Variants in ARHGAP45 observed in about 807,000 individuals in gnomAD.
The protein encoded by ARHGAP45 is Rho GTPase activating protein 45.
ARHGAP45 carries 56 observed loss-of-function variants against 116.1 expected under a neutral mutation model. The ratio of observed to expected loss-of-function variants is 0.48; its 90% confidence interval spans 0.39 to 0.60. ARHGAP45 has a LOEUF of 0.60. ARHGAP45 is among the 20% of genes least tolerant of loss of function. The pLI is 0.00. For synonymous variants in ARHGAP45, 866 were observed against 701.7 expected (o/e 1.23, Z -3.70); for missense variants, 1,622 against 1,601.0 (o/e 1.01, Z -0.22).
At position 1,081,309 on chromosome 19, in the gene ARHGAP45, A is replaced by G. The variant is rs1329618604; in HGVS notation, c.2191-241A>G. ...GAAGAGTCCTGGGGCTGTGGCCAGAAGACCTGGAGGGCAAAGGCCCTGGAG... is the reference window on the plus strand; with the variant it reads ...GAAGAGTCCTGGGGCTGTGGCCAGAGGACCTGGAGGGCAAAGGCCCTGGAG... On this transcript the variant is annotated intron_variant, in intron 17 of 22. Transcript: ENST00000313093. 4.7e-6 allele frequency: 3 copies of G among 641,112 alleles called. No homozygotes were observed. The Admixed American group carries it at 9.1e-5, about 19-fold the overall frequency. The allele number at this position is 641,112 out of a possible 1,614,324, so 39.7% of individuals were successfully genotyped here. A position where few individuals can be genotyped will look rare whatever the true frequency, so the allele number is the denominator to read the frequency against.
intron 21 of ARHGAP45, 78 bp from the exon 22 acceptor site, chr19:1,084,160 T>C: frequency 7.5e-7 from 1 of 1,334,432 alleles, no homozygotes; most frequent in South Asian, 1.2e-5. Flanking sequence ...TGTTACGGGC[T>C]GTGTGGGTGG....
At position 1,082,989 on chromosome 19, in the gene ARHGAP45, T is replaced by G. The variant is rs745543210; in HGVS notation, c.2667T>G (p.Gly889=). The change falls in exon 20 of 23, where the codon GGT becomes GGG. Residue 889 remains glycine (G), a synonymous_variant. Transcript: ENST00000313093. ...ESEAVAVALA[G]RLRELLRDLP... ...AGGCAGTGGCGGTGGCCCTGGCAGGTCGGCTGCGGGAGCTCCTGCGGGACC... is the reference window on the plus strand; with the variant it reads ...AGGCAGTGGCGGTGGCCCTGGCAGGGCGGCTGCGGGAGCTCCTGCGGGACC... The G allele has an allele frequency of 4.5e-6, 7 of 1,550,178 alleles. No homozygotes were observed. In the South Asian group the frequency reaches 7.0e-5, roughly 16 times the overall value.
chr19:1,085,224 A>C (rs1272696649), intron 22 of ARHGAP45, among the ~76,000 whole-genome samples: 1 of 152,186 alleles, frequency 6.6e-6, no homozygotes, highest in Non-Finnish European at 1.5e-5. Context: ...TGGCAGGCAA[A>C]GGGAGAGCTT....
chr19:1,078,080 G>C lies in ARHGAP45; in HGVS notation c.1374+35G>C, dbSNP rs199814721. 4.7e-5 allele frequency: 72 copies of C among 1,530,558 alleles called. No individual in the cohort carries two copies. In the East Asian group the frequency reaches 1.6e-3, roughly 34 times the overall value. The allele number at this position is 1,530,558 out of a possible 1,614,324, so 94.8% of individuals were successfully genotyped here. ...GGTGGAGGCAGGGCTGGAGGTCCCT[G>C]GAGGAGGAGATCCAATGCTTGGTGT... On this transcript the variant is annotated intron_variant, in intron 11 of 22. Transcript: ENST00000313093.
upstream of ARHGAP45, chr19:1,066,013 A>G: frequency 6.5e-7 from 1 of 1,534,710 alleles, no homozygotes; most frequent in Non-Finnish European, 8.7e-7. Flanking sequence ...CTCTGACCCC[A>G]GCCCTCAGCG....
rs1328279346 is a variant in ARHGAP45 at position 1,077,947 on chromosome 19, G to A, written c.1276G>A (p.Ala426Thr). 1 of 1,553,880 alleles carries A rather than the reference G, an allele frequency of 6.4e-7. No individual in the cohort carries two copies. The highest frequency in any genetic ancestry group is 2.0e-5 in the Admixed American group (1 of 51,176). ...CAAGGCTCGCTTCCTCGTGGCCAAGGCGGAGGAGGAGCAGGCTGGCAGCGC... is the reference window on the plus strand; with the variant it reads ...CAAGGCTCGCTTCCTCGTGGCCAAGACGGAGGAGGAGCAGGCTGGCAGCGC... ...HDKARFLVAK[A>T]EEEQAGSAPG... The change falls in exon 11 of 23, where the codon GCG becomes ACG. Residue 426 changes from alanine (A) to threonine (T), a missense_variant. By Grantham distance (58) the Ala-to-Thr change is moderately conservative. This residue lies in a region of ARHGAP45 where 1,334 missense variants were observed against 1,263.8 expected (regional missense o/e 1.06). Coordinates refer to ENST00000313093, the MANE Select transcript of ARHGAP45 (RefSeq NM_012292.5).
intron 11 of ARHGAP45, among the ~76,000 whole-genome samples, chr19:1,079,090 A>G (rs891513687): frequency 2.0e-5 from 3 of 151,334 alleles, no homozygotes; most frequent in South Asian, 2.1e-4. Flanking sequence ...TGAGGCAGGA[A>G]AATGGCATGA....
Position 1,077,996 on chromosome 19 carries a change from C to A in ARHGAP45, c.1325C>A (p.Thr442Asn). 1 of 1,555,348 alleles carries A rather than the reference C, an allele frequency of 6.4e-7. No individual in the cohort carries two copies. Among genetic ancestry groups the A allele is most frequent in the Non-Finnish European group, 8.7e-7 (1 of 1,148,718 alleles). The change falls in exon 11 of 23, where the codon ACC becomes AAC. Residue 442 changes from threonine (T) to asparagine (N), a missense_variant. This residue lies in a region of ARHGAP45 where 1,334 missense variants were observed against 1,263.8 expected (regional missense o/e 1.06). Coordinates refer to ENST00000313093, the MANE Select transcript of ARHGAP45 (RefSeq NM_012292.5). Reference sequence around the variant, plus strand: ...GCGCCGGGAGCAGGCAGCACGGCCACCAAGACCCTGGACAAGCGGCGGCGG... The same window carrying A: ...GCGCCGGGAGCAGGCAGCACGGCCAACAAGACCCTGGACAAGCGGCGGCGG... ...GSAPGAGSTA[T>N]KTLDKRRRLE...
chr19:1,085,842 C>CGGGAGGACGGGGACGGGG lies in ARHGAP45; in HGVS notation c.3248_3265dup (p.Gly1088_Asp1089insGlyGluAspGlyAspGly). 2 of 1,610,736 alleles carry CGGGAGGACGGGGACGGGG rather than the reference C, an allele frequency of 1.2e-6. No individual in the cohort carries two copies. The highest frequency in any genetic ancestry group is 1.7e-6 in the Non-Finnish European group (2 of 1,179,820). On this transcript the variant is annotated inframe_insertion, in exon 23 of 23. Coordinates refer to ENST00000313093, the MANE Select transcript of ARHGAP45 (RefSeq NM_012292.5). Reference sequence around the variant, plus strand: ...TGAGGAGCAGCTGGAGGCCACAGCCCGGGAGGACGGGGACGGGGACGAGGA... The same window carrying CGGGAGGACGGGGACGGGG: ...TGAGGAGCAGCTGGAGGCCACAGCCCGGGAGGACGGGGACGGGGGGGAGGACGGGGACGGGGACGAGGA...
chr19:1,076,172 G>A (rs1234936707), intron 10 of ARHGAP45, among the ~76,000 whole-genome samples: 2 of 152,204 alleles, frequency 1.3e-5, no homozygotes, highest in Non-Finnish European at 2.9e-5. Flanking sequence ...TGAGGGATCA[G>A]TGCCCAAAAT....
intron 13 of ARHGAP45, 42 bp downstream of exon 13, chr19:1,080,160 T>C (rs1243000922): frequency 1.9e-6 from 3 of 1,610,010 alleles, no homozygotes; most frequent in Admixed American, 3.4e-5. Flanking sequence ...CACAAGGCCC[T>C]GCCTGGGAGC....
intron 10 of ARHGAP45, 149 bp downstream of exon 10, chr19:1,075,028 C>CA (rs887874397): frequency 1.5e-5 from 6 of 407,630 alleles, no homozygotes; most frequent in Non-Finnish European, 2.0e-5. Context: ...GGCTGGGCCG[C>CA]CCCCCCCAAC....
chr19:1,075,120 T>G (rs1193776212), intron 10 of ARHGAP45, among the ~76,000 whole-genome samples: 2 of 151,716 alleles, frequency 1.3e-5, no homozygotes, highest in Non-Finnish European at 2.9e-5. Flanking sequence ...CTCACTGCTG[T>G]CCCTGCAGAA....
At chr19:1,066,026 A>G (rs950679985), upstream of ARHGAP45, 2 of 1,535,316 alleles carry the variant, frequency 1.3e-6, no homozygotes, top group African/African-American at 2.7e-5. Context: ...CCTCAGCGCC[A>G]TGAGTCGGGG....
At chr19:1,067,856 C>A (rs554473805) in intron 1 of ARHGAP45, among the ~76,000 whole-genome samples, 7 of 151,234 alleles carry the variant, frequency 4.6e-5, no homozygotes, top group Admixed American at 4.6e-4. Flanking sequence ...TGTGGCCTGG[C>A]CATTGGGCTG....
rs1181079078 is a variant in ARHGAP45 at position 1,080,867 on chromosome 19, C to T, written c.2018-25C>T. ...GCCTGGCCCTGAGCTGCCTTGGTGA[C>T]ACCGGCTGCCTGTGCTGCCCGCAGC... On this transcript the variant is annotated intron_variant, in intron 16 of 22. Coordinates refer to ENST00000313093, the MANE Select transcript of ARHGAP45 (RefSeq NM_012292.5). 2.9e-5 allele frequency: 47 copies of T among 1,605,036 alleles called. No homozygotes were observed. The Admixed American group carries it at 7.4e-4, about 25-fold the overall frequency.
Position 1,081,817 on chromosome 19 carries a change from C to G in ARHGAP45, c.2380-7C>G. 6.2e-7 allele frequency: 1 copy of G among 1,603,292 alleles called. No homozygotes were observed. The highest frequency in any genetic ancestry group is 1.1e-5 in the South Asian group (1 of 89,918). ...TGATGGGCCTCCCCACCCCCGGGCT[C>G]CCGCAGGGCATCTACCGGGTCAATG... On this transcript the variant is annotated splice_polypyrimidine_tract_variant and splice_region_variant and intron_variant, in intron 18 of 22. Coordinates refer to ENST00000313093, the MANE Select transcript of ARHGAP45 (RefSeq NM_012292.5).
rs112975635 is a variant in ARHGAP45 at position 1,084,337 on chromosome 19, G to C, written c.3055G>C (p.Gly1019Arg). ...CCCGCTGCAGGAGGCGGCGGCGGAC[G>C]GGTGCAGAGGTGAGTGTGTGGCTGC... ...VYPLQEAAAD[G>R]CRESRVVSND... is the part of the protein sequence containing the mutation. The change falls in exon 22 of 23, where the codon GGG (glycine) becomes CGG (arginine). Residue 1019 changes from glycine (G) to arginine (R), a missense_variant. Physicochemically the swap from Gly to Arg is moderately radical, Grantham distance 125 (BLOSUM62 -2). Around this residue, in one of 3 missense-constraint regions of ARHGAP45, gnomAD observed 1,334 missense variants for 1,263.8 expected, o/e 1.06. Transcript: ENST00000313093. 1.9e-6 allele frequency: 3 copies of C among 1,607,796 alleles called. No individual in the cohort carries two copies. The Admixed American group carries it at 5.1e-5, about 27-fold the overall frequency.
In ARHGAP45 at chr19:1,073,708, A is replaced by G; in HGVS notation, c.685A>G (p.Ser229Gly). The change falls in exon 5 of 23, where the codon AGC becomes GGC. Residue 229 changes from serine to glycine, a missense_variant. Ser to Gly is a moderately conservative substitution (Grantham distance 56). This residue lies in a region of ARHGAP45 where 9 missense variants were observed against 25.3 expected (regional missense o/e 0.36). Coordinates refer to ENST00000313093, the MANE Select transcript of ARHGAP45 (RefSeq NM_012292.5). ...GTTCCTCATGGGTGAAGTGGACAGC[A>G]GCACCCTCCTAGCAGTGCCTCCTGG... Reference protein sequence around the residue: ...SEFLMGEVDSSTLLAVPPGDS... With the variant: ...SEFLMGEVDSGTLLAVPPGDS... 6.2e-7 allele frequency: 1 copy of G among 1,603,580 alleles called. No individual in the cohort carries two copies. Among genetic ancestry groups the G allele is most frequent in the Middle Eastern group, 1.7e-4 (1 of 6,040 alleles).
Sources: allele counts gnomAD v4.1 joint callset (sites outside exome capture counted in the v4.1 genomes callset), GRCh38; gene constraint gnomAD v4.1.1; regional missense constraint gnomAD v4.1.1; transcripts MANE v1.5; gene names NCBI Gene and HGNC (gene_info 2026-07-23, HGNC 2026-07-21).